SLC28A3: variants seen among roughly 807,000 people sequenced by gnomAD.
The protein encoded by SLC28A3 is concentrative Na(+)-nucleoside cotransporter 3.
Under a neutral mutation model 84.2 loss-of-function variants are expected in SLC28A3, and 68 were observed. The observed-to-expected ratio is 0.81, with a 90% CI of 0.66 to 0.99. The LOEUF (loss-of-function observed/expected upper bound fraction) is 0.99. SLC28A3 is among the 50% of genes least tolerant of loss of function. The pLI is 0.00. For synonymous variants in SLC28A3, 267 were observed against 303.6 expected (o/e 0.88, Z 1.25); for missense variants, 712 against 841.5 (o/e 0.85, Z 1.90).
rs1227297183 is a variant in SLC28A3 at position 84,276,626 on chromosome 9, A to AGAC, written c.*1589_*1591dup. 15 of 152,242 alleles carry AGAC rather than the reference A, an allele frequency of 9.9e-5. No individual in the cohort carries two copies. The highest frequency in any genetic ancestry group is 1.8e-4 in the Non-Finnish European group (12 of 68,054). The allele number at this position is 152,242 out of a possible 1,614,324, so 9.4% of individuals were successfully genotyped here. A position where few individuals can be genotyped will look rare whatever the true frequency, so the allele number is the denominator to read the frequency against. On this transcript the variant is annotated 3_prime_UTR_variant, in exon 18 of 18. Transcript: ENST00000376238. ...TATATTTTCCTAAAATAAAGTCTGAAGACTGCAAGGGCACATTGAGCTCCA... is the reference window on the plus strand; with the variant it reads ...TATATTTTCCTAAAATAAAGTCTGAAGACGACTGCAAGGGCACATTGAGCTCCA...
chr9:84,297,331 CA>C, intron 7 of SLC28A3, 33 bp from the exon 8 acceptor site: 1 of 1,549,162 alleles, frequency 6.5e-7, no homozygotes, highest in Non-Finnish European at 8.9e-7. Flanking sequence ...GATTTCATTC[CA>C]ACCACATGAC....
upstream of SLC28A3, among the ~76,000 whole-genome samples, chr9:84,345,139 C>T (rs12346154): frequency 0.054 from 8,201 of 152,020 alleles, 448 homozygotes; most frequent in East Asian, 0.17. Flanking sequence ...TATGATTTAG[C>T]TCTTTCGTGC....
chr9:84,324,466 A>C (rs1826483630), intron 1 of SLC28A3, among the ~76,000 whole-genome samples: 1 of 152,122 alleles, frequency 6.6e-6, no homozygotes, highest in Admixed American at 6.6e-5. Context: ...TAACGTGGTG[A>C]GACCCTGTCT....
At chr9:84,279,422 T>C in intron 16 of SLC28A3, 37 bp from the exon 17 acceptor site, 1 of 1,360,294 alleles carries the variant, frequency 7.4e-7, no homozygotes, top group Non-Finnish European at 9.6e-7. Context: ...TTTATTATTT[T>C]TTAGTTTTAT....
At chr9:84,318,367 C>A (rs570379433) in intron 1 of SLC28A3, among the ~76,000 whole-genome samples, 1 of 152,196 alleles carries the variant, frequency 6.6e-6, no homozygotes, top group African/African-American at 2.4e-5. Context: ...CTGTGAGTGG[C>A]TGTAACACTA....
intron 1 of SLC28A3, among the ~76,000 whole-genome samples, chr9:84,326,901 A>G (rs1390622653): frequency 2.6e-5 from 4 of 152,120 alleles, no homozygotes; most frequent in African/African-American, 4.8e-5. Flanking sequence ...GCTACTCGGG[A>G]GGCTGAGGCA....
At chr9:84,334,241 G>T (rs1826888990) in intron 1 of SLC28A3, among the ~76,000 whole-genome samples, 2 of 152,212 alleles carry the variant, frequency 1.3e-5, no homozygotes, top group Admixed American at 1.3e-4. Context: ...AGAGGTTGCA[G>T]TGAGCCAAGA....
chr9:84,283,760 A>G (rs1023301049), intron 14 of SLC28A3, among the ~76,000 whole-genome samples: 1 of 152,218 alleles, frequency 6.6e-6, no homozygotes, highest in Non-Finnish European at 1.5e-5. Flanking sequence ...GGCATAATTC[A>G]GTGGATATCA....
At chr9:84,326,957 T>C (rs1005015469) in intron 1 of SLC28A3, among the ~76,000 whole-genome samples, 2 of 152,034 alleles carry the variant, frequency 1.3e-5, no homozygotes, top group African/African-American at 2.4e-5. Context: ...TGAGCCAAGA[T>C]AGATCATGCC....
chr9:84,317,000 C>CAAAACAACAACA (rs1033446760), intron 1 of SLC28A3, among the ~76,000 whole-genome samples: 1 of 107,008 alleles, frequency 9.3e-6, no homozygotes, highest in African/African-American at 6.5e-5. Flanking sequence ...GACTCCGTCT[C>CAAAACAACAACA]AAAACAACAA....
Position 84,289,517 on chromosome 9 carries a change from G to T in SLC28A3, c.1149+637C>A, listed in dbSNP as rs565588681. Among the ~76,000 whole-genome samples, 4 of 152,302 alleles carry T rather than the reference G, an allele frequency of 2.6e-5. No individual in the cohort carries two copies. In the South Asian group the frequency reaches 6.2e-4, roughly 24 times the overall value. ...CTGAGAGTTTTAAAAAATATTGATG[G>T]CTGGGTCTCATCCCAAGGAACTGTA... On this transcript the variant is annotated intron_variant, in intron 11 of 17. Coordinates refer to ENST00000376238, the MANE Select transcript of SLC28A3 (RefSeq NM_001199633.2).
At chr9:84,333,399 T>A (rs149773149) in intron 1 of SLC28A3, among the ~76,000 whole-genome samples, 4 of 152,266 alleles carry the variant, frequency 2.6e-5, no homozygotes, top group Non-Finnish European at 5.9e-5. Context: ...GTGACCCAGT[T>A]CCCAGCTTGA....
At chr9:84,352,747 G>A in the SLC28A3 span, among the ~76,000 whole-genome samples, 1 of 151,600 alleles carries the variant, frequency 6.6e-6, no homozygotes, top group Non-Finnish European at 1.5e-5. Context: ...GAAAAAATTA[G>A]TGGGGCATGG....
intron 1 of SLC28A3, among the ~76,000 whole-genome samples, chr9:84,326,029 AATCGTGGC>A (rs1826536381): frequency 6.6e-6 from 1 of 152,166 alleles, no homozygotes; most frequent in South Asian, 2.1e-4. Flanking sequence ...AAAGATCCAG[AATCGTGGC>A]TTTGAGTGGA....
rs932958413 is a variant in SLC28A3 at position 84,311,731 on chromosome 9, C to T, written c.156+1628G>A. On this transcript the variant is annotated intron_variant, in intron 2 of 17. Transcript: ENST00000376238. ...ATTAGCTGGGCACAGTGACGGGTGC[C>T]GGTAATCCCAACTACACGGGAGGCT... is the stretch of plus-strand genomic sequence containing the variant. 7.9e-5 allele frequency among the ~76,000 whole-genome samples: 12 copies of T among 152,092 alleles called. No individual in the cohort carries two copies. The East Asian group carries it at 1.7e-3, about 22-fold the overall frequency.
upstream of SLC28A3, among the ~76,000 whole-genome samples, chr9:84,343,386 C>G (rs1458717214): frequency 1.3e-5 from 2 of 152,080 alleles, no homozygotes; most frequent in Non-Finnish European, 2.9e-5. Flanking sequence ...ATAGATTTTG[C>G]ATATCTCACA....
At chr9:84,347,807 C>T in the SLC28A3 span, among the ~76,000 whole-genome samples, 1 of 152,176 alleles carries the variant, frequency 6.6e-6, no homozygotes, top group African/African-American at 2.4e-5. Context: ...TTTCCTGGTG[C>T]TTAGCGTAGT....
At chr9:84,334,159 C>A (rs1826886801) in intron 1 of SLC28A3, among the ~76,000 whole-genome samples, 1 of 152,110 alleles carries the variant, frequency 6.6e-6, no homozygotes, top group South Asian at 2.1e-4. Context: ...ACAAGCCGGG[C>A]CTGGTGGCTC....
chr9:84,361,562 G>T, the SLC28A3 span, among the ~76,000 whole-genome samples: 1 of 152,112 alleles, frequency 6.6e-6, no homozygotes, highest in East Asian at 1.9e-4. Flanking sequence ...TCAGGTGAAA[G>T]GCTCTCGGGA....
Sources: allele counts gnomAD v4.1 joint callset (sites outside exome capture counted in the v4.1 genomes callset), GRCh38; gene constraint gnomAD v4.1.1; transcripts MANE v1.5; gene names NCBI Gene and HGNC (gene_info 2026-07-23, HGNC 2026-07-21).